The following RALGPS1 variants were observed in gnomAD, a reference collection of about 807,000 sequenced individuals.
RALGPS1 encodes the protein ras-specific guanine nucleotide-releasing factor RalGPS1.
RALGPS1 carries 19 observed loss-of-function variants against 78.8 expected under a neutral mutation model. The observed-to-expected ratio is 0.24, with a 90% CI of 0.17 to 0.35. The LOEUF is 0.35. RALGPS1 is among the 10% of genes least tolerant of loss of function. The pLI is 1.00. For synonymous variants in RALGPS1, 228 were observed against 256.3 expected, an observed-to-expected ratio of 0.89 and a Z score of 1.06; for missense variants, 454 against 688.3, an observed-to-expected ratio of 0.66 and a Z score of 3.81.
intron 3 of RALGPS1, among the ~76,000 whole-genome samples, chr9:126,976,458 A>G (rs1279640624): frequency 6.6e-6 from 1 of 151,952 alleles, no homozygotes; most frequent in Non-Finnish European, 1.5e-5. Flanking sequence ...ACACACATAA[A>G]CACACTGTCT....
chr9:127,105,083 G>C (rs377252482), intron 8 of RALGPS1, among the ~76,000 whole-genome samples: 1 of 152,140 alleles, frequency 6.6e-6, no homozygotes, highest in East Asian at 1.9e-4. Flanking sequence ...CCTGGGCTCT[G>C]TCTACCCATT....
chr9:126,938,666 G>T (rs906315500), intron 1 of RALGPS1, among the ~76,000 whole-genome samples: 1 of 152,232 alleles, frequency 6.6e-6, no homozygotes, highest in Non-Finnish European at 1.5e-5. Context: ...TTCAAAGTAG[G>T]CTTGCTCAGA....
Position 127,178,197 on chromosome 9 carries a change from C to T in RALGPS1, c.910+3415C>T. On this transcript the variant is annotated intron_variant, in intron 11 of 18. Coordinates refer to ENST00000259351, the MANE Select transcript of RALGPS1 (RefSeq NM_014636.3). ...CGAGCAGAGAAAAATCCCTGGCCTC[C>T]CTTTCCTCCAGCCCTCAGTCTGCCA... The T allele has an allele frequency of 8.9e-6, 4 of 447,322 alleles. No homozygotes were observed. In the East Asian group the frequency reaches 2.2e-4, roughly 24 times the overall value. 27.7% of individuals were successfully genotyped at this position (447,322 alleles called of 1,614,324 possible).
intron 18 of RALGPS1, chr9:127,216,881 A>G: frequency 1.3e-6 from 2 of 1,522,936 alleles, no homozygotes; most frequent in Non-Finnish European, 1.8e-6. Flanking sequence ...AGCATAGCAC[A>G]CTGAAGCTCC....
intron 8 of RALGPS1, among the ~76,000 whole-genome samples, chr9:127,144,001 C>T (rs1014967669): frequency 1.3e-5 from 2 of 152,222 alleles, no homozygotes; most frequent in African/African-American, 2.4e-5. Context: ...GGGGGGCAGC[C>T]TGAGTGAGAC....
chr9:127,187,971 C>T (rs1588446194), intron 11 of RALGPS1, among the ~76,000 whole-genome samples: 1 of 151,400 alleles, frequency 6.6e-6, no homozygotes, highest in Non-Finnish European at 1.5e-5. Flanking sequence ...CCCACAGAAT[C>T]AACCTCCAGG....
At chr9:127,167,159 A>G (rs534532467) in intron 9 of RALGPS1, among the ~76,000 whole-genome samples, 3 of 152,182 alleles carry the variant, frequency 2.0e-5, no homozygotes, top group Non-Finnish European at 2.9e-5. Context: ...TGCTGTGCGT[A>G]GGGTGTGAGA....
chr9:127,189,028 C>T (rs1223422375), intron 11 of RALGPS1, among the ~76,000 whole-genome samples: 1 of 132,826 alleles, frequency 7.5e-6, no homozygotes, highest in South Asian at 2.6e-4. Flanking sequence ...AAAAAAAAAA[C>T]CCCATTGGCT....
intron 8 of RALGPS1, among the ~76,000 whole-genome samples, chr9:127,110,902 C>T (rs995066528): frequency 6.6e-6 from 1 of 152,194 alleles, no homozygotes; most frequent in African/African-American, 2.4e-5. Flanking sequence ...AGCCTCCCTG[C>T]CCCAGCCTTG....
chr9:126,920,513 G>T (rs1428848071), intron 1 of RALGPS1, among the ~76,000 whole-genome samples: 4 of 152,176 alleles, frequency 2.6e-5, no homozygotes, highest in African/African-American at 9.7e-5. Flanking sequence ...CAGAAGTATG[G>T]CTGCTCTCCC....
chr9:126,977,553 A>T (rs1277262336), intron 3 of RALGPS1, 142 bp from the exon 4 acceptor site: 1 of 456,828 alleles, frequency 2.2e-6, no homozygotes, highest in Non-Finnish European at 3.8e-6. Flanking sequence ...AAATGTATCC[A>T]ATTTTTTACT....
chr9:127,213,155 C>G (rs2062375513), intron 17 of RALGPS1, 106 bp downstream of exon 17: 33 of 1,511,450 alleles, frequency 2.2e-5, no homozygotes, highest in Non-Finnish European at 2.7e-5. Flanking sequence ...CTGCTGCCTT[C>G]CCTTTGCTTT....
intron 14 of RALGPS1, among the ~76,000 whole-genome samples, chr9:127,206,696 A>G (rs950928868): frequency 1.3e-5 from 2 of 152,146 alleles, no homozygotes; most frequent in African/African-American, 4.8e-5. Flanking sequence ...CAAGGCCTCA[A>G]CATAATTATT....
intron 4 of RALGPS1, among the ~76,000 whole-genome samples, chr9:127,030,567 A>G (rs1401913627): frequency 1.3e-5 from 2 of 152,038 alleles, no homozygotes; most frequent in African/African-American, 4.8e-5. Flanking sequence ...GAGGGGAGTG[A>G]GTTTAAGTCG....
chr9:126,936,306 GCA>G (rs2036253758), intron 1 of RALGPS1, among the ~76,000 whole-genome samples: 1 of 152,200 alleles, frequency 6.6e-6, no homozygotes, highest in Non-Finnish European at 1.5e-5. Context: ...CGCTTTTGAG[GCA>G]GGATGAATGG....
At chr9:127,030,608 G>A (rs1202706089) in intron 4 of RALGPS1, among the ~76,000 whole-genome samples, 1 of 152,108 alleles carries the variant, frequency 6.6e-6, no homozygotes, top group Admixed American at 6.6e-5. Flanking sequence ...GTGAGCAGGA[G>A]CTGGAGGGGA....
At chr9:127,199,962 C>G (rs1047889605) in intron 14 of RALGPS1, among the ~76,000 whole-genome samples, 1 of 147,850 alleles carries the variant, frequency 6.8e-6, no homozygotes, top group Non-Finnish European at 1.5e-5. Flanking sequence ...CACATATACC[C>G]ATGCACACAC....
At chr9:127,046,481 ATG>A (rs990876480) in intron 5 of RALGPS1, among the ~76,000 whole-genome samples, 1 of 152,208 alleles carries the variant, frequency 6.6e-6, no homozygotes, top group Non-Finnish European at 1.5e-5. Context: ...CTTGAAAGAT[ATG>A]TTCAAGTTGT....
chr9:127,196,369 C>A, intron 12 of RALGPS1, 105 bp from the exon 13 acceptor site: 1 of 1,344,188 alleles, frequency 7.4e-7, no homozygotes, highest in Non-Finnish European at 1.0e-6. Context: ...TGGGTGGAGG[C>A]CTTTTTCCTG....
Sources: gnomAD v4.1 joint callset for allele counts (sites outside exome capture counted in the v4.1 genomes callset) on GRCh38, gnomAD v4.1.1 for gene constraint, MANE v1.5 for transcripts, NCBI Gene and HGNC (gene_info 2026-07-23, HGNC 2026-07-21) for gene names.